The following SASH1 variants were observed in gnomAD, a reference collection of about 807,000 sequenced individuals.
SASH1 encodes SAM and SH3 domain-containing protein 1.
SASH1 carries 44 observed loss-of-function variants against 125.2 expected under a neutral mutation model. The ratio of observed to expected loss-of-function variants is 0.35; its 90% CI spans 0.28 to 0.45. SASH1 has a LOEUF of 0.45. Ranked by LOEUF, SASH1 falls within the 20% of genes least tolerant of loss-of-function variation. The pLI, the probability that SASH1 is intolerant of heterozygous loss-of-function variation, is 1.00. For synonymous variants in SASH1, 639 were observed against 649.1 expected (o/e 0.98, Z 0.24); for missense variants, 1,426 against 1,614.5 (o/e 0.88, Z 2.00).
intron 16 of SASH1, among the ~76,000 whole-genome samples, chr6:148,537,607 T>C (rs1237336609): frequency 6.6e-6 from 1 of 152,220 alleles, no homozygotes; most frequent in Non-Finnish European, 1.5e-5. Context: ...ATTTTCTTAT[T>C]TCTTTTACAT....
chr6:148,203,330 G>A, the SASH1 span, among the ~76,000 whole-genome samples: 8 of 152,032 alleles, frequency 5.3e-5, no homozygotes, highest in East Asian at 3.9e-4. Flanking sequence ...TCCTTACCTC[G>A]TGTCTTCATT....
At chr6:148,311,442 G>A (rs1164523835) in intron 1 of SASH1, among the ~76,000 whole-genome samples, 6 of 152,040 alleles carry the variant, frequency 3.9e-5, no homozygotes, top group Non-Finnish European at 8.8e-5. Context: ...ATATACATGC[G>A]AACTTTCCCT....
the SASH1 span, among the ~76,000 whole-genome samples, chr6:148,195,974 G>C: frequency 6.6e-6 from 1 of 151,692 alleles, no homozygotes; most frequent in Non-Finnish European, 1.5e-5. Flanking sequence ...GTGAGACATA[G>C]AGATTTAATA....
intron 8 of SASH1, among the ~76,000 whole-genome samples, chr6:148,504,218 G>T (rs1779675863): frequency 6.6e-6 from 1 of 152,218 alleles, no homozygotes; most frequent in Non-Finnish European, 1.5e-5. Flanking sequence ...AGAGCTGTTT[G>T]CAGAAGATGA....
chr6:148,353,726 T>TGC (rs1436743970), intron 1 of SASH1, among the ~76,000 whole-genome samples: 88,843 of 151,554 alleles, frequency 0.59, 25,972 homozygotes, highest in Middle Eastern at 0.67. Flanking sequence ...TGAGCCACCA[T>TGC]ACCTGACCAA....
intron 8 of SASH1, among the ~76,000 whole-genome samples, chr6:148,511,907 A>C (rs563084590): frequency 7.7e-4 from 118 of 152,296 alleles, no homozygotes; most frequent in African/African-American, 2.7e-3. Flanking sequence ...CAAACTAGGT[A>C]TGAGGTATAC....
In SASH1 at chr6:148,473,993, A is replaced by C. The variant is rs142816136; in HGVS notation, c.515-117A>C. ...CTTTGCTTCATCAGTAACGTTCAAC[A>C]TACATAGTGTCCTGAGCAACATTCT... On this transcript the variant is annotated intron_variant, in intron 6 of 19. Coordinates refer to ENST00000367467, the MANE Select transcript of SASH1 (RefSeq NM_015278.5). The C allele has an allele frequency of 1.4e-4, 97 of 687,004 alleles. 2 individuals carry two copies. In the East Asian group the frequency reaches 2.7e-3, roughly 19 times the overall value. The allele number at this position is 687,004 out of a possible 1,614,324, so 42.6% of individuals were successfully genotyped here.
intron 16 of SASH1, among the ~76,000 whole-genome samples, chr6:148,536,788 C>T (rs1207223299): frequency 2.0e-5 from 3 of 152,224 alleles, no homozygotes; most frequent in Admixed American, 2.0e-4. Flanking sequence ...CTCCTGGGAT[C>T]ACATCCTGAG....
intron 1 of SASH1, among the ~76,000 whole-genome samples, chr6:148,305,867 G>A (rs1780116432): frequency 6.6e-6 from 1 of 152,138 alleles, no homozygotes; most frequent in South Asian, 2.1e-4. Flanking sequence ...GGAAACGGTT[G>A]TTAAATCAGG....
the SASH1 span, among the ~76,000 whole-genome samples, chr6:148,226,025 A>C: frequency 6.6e-6 from 1 of 152,354 alleles, no homozygotes; most frequent in African/African-American, 2.4e-5. Context: ...ACAGTATGAA[A>C]AGGAAGCCAC....
At chr6:148,370,207 C>T (rs1364403528) in intron 1 of SASH1, among the ~76,000 whole-genome samples, 1 of 152,116 alleles carries the variant, frequency 6.6e-6, no homozygotes, top group Non-Finnish European at 1.5e-5. Context: ...TCTATCTGTA[C>T]ATCTTTTATT....
At chr6:148,225,944 T>C in the SASH1 span, among the ~76,000 whole-genome samples, 1 of 152,220 alleles carries the variant, frequency 6.6e-6, no homozygotes, top group African/African-American at 2.4e-5. Flanking sequence ...CTAACAACAA[T>C]AGTTTAGCAT....
chr6:148,519,894 G>C lies in SASH1; in HGVS notation c.1209+1G>C. 6.4e-7 allele frequency: 1 copy of C among 1,551,366 alleles called. No individual in the cohort carries two copies. The highest frequency in any genetic ancestry group is 8.7e-7 in the Non-Finnish European group (1 of 1,150,800). On this transcript the variant is annotated splice_donor_variant, in intron 10 of 19. Coordinates refer to ENST00000367467, the MANE Select transcript of SASH1 (RefSeq NM_015278.5). LOFTEE classifies it high-confidence loss of function. The surrounding 1 kb of genome is among the most constrained non-coding windows in gnomAD (Gnocchi z 4.8). ...GGGTCTCGGGTCCCTAAGCCACGGG[G>C]TAAGTACGGATGGTGTTTGCTTCTA...
intron 1 of SASH1, among the ~76,000 whole-genome samples, chr6:148,301,502 G>A (rs1245889201): frequency 1.3e-5 from 2 of 152,008 alleles, no homozygotes; most frequent in Non-Finnish European, 2.9e-5. Flanking sequence ...CTGACCTCAG[G>A]TGATTCTCCT....
intron 1 of SASH1, among the ~76,000 whole-genome samples, chr6:148,330,734 T>A (rs138313011): frequency 5.5e-4 from 83 of 152,272 alleles, no homozygotes; most frequent in African/African-American, 1.9e-3. Context: ...TAGAGGCGCC[T>A]GCCACCACGA....
At chr6:148,261,809 A>C in the SASH1 span, among the ~76,000 whole-genome samples, 1 of 152,144 alleles carries the variant, frequency 6.6e-6, no homozygotes, top group African/African-American at 2.4e-5. Flanking sequence ...TCAAACAAGG[A>C]GTAGAAAAGG....
intron 4 of SASH1, among the ~76,000 whole-genome samples, chr6:148,447,727 T>C (rs912929577): frequency 5.3e-5 from 8 of 150,790 alleles, no homozygotes; most frequent in African/African-American, 1.9e-4. Context: ...CTCCTCATCC[T>C]CCTCCTCCTC....
intron 4 of SASH1, among the ~76,000 whole-genome samples, chr6:148,453,720 G>T (rs1441637551): frequency 6.6e-6 from 1 of 152,152 alleles, no homozygotes; most frequent in Non-Finnish European, 1.5e-5. Flanking sequence ...AGGTAGGGTA[G>T]CTGTCCTCTT....
At chr6:148,220,656 T>G in the SASH1 span, among the ~76,000 whole-genome samples, 2 of 152,228 alleles carry the variant, frequency 1.3e-5, no homozygotes, top group African/African-American at 4.8e-5. Flanking sequence ...GGCTCATGCC[T>G]GTAATCCCAG....
Sources: gnomAD v4.1 joint callset for allele counts (sites outside exome capture counted in the v4.1 genomes callset) on GRCh38, gnomAD v4.1.1 for gene constraint, Gnocchi (gnomAD v3.1) non-coding constraint, MANE v1.5 for transcripts, NCBI Gene and HGNC (gene_info 2026-07-23, HGNC 2026-07-21) for gene names.